The following ASAP3 variants were observed in gnomAD, a reference collection of about 807,000 sequenced individuals.
ASAP3 encodes the protein ArfGAP with SH3 domain, ankyrin repeat and PH domain 3, also known as arf-GAP with SH3 domain, ANK repeat and PH domain-containing protein 3.
Under a neutral mutation model 118.2 loss-of-function variants are expected in ASAP3, and 85 were observed. That is an observed-to-expected ratio of 0.72 (90% CI 0.60 to 0.86). ASAP3 has a LOEUF of 0.86. Ranked by LOEUF, ASAP3 falls within the 40% of genes least tolerant of loss-of-function variation. The pLI, the probability that ASAP3 is intolerant of heterozygous loss-of-function variation, is 0.00. For synonymous variants in ASAP3, 432 were observed against 477.4 expected (o/e 0.90, Z 1.24); for missense variants, 1,026 against 1,175.0 (o/e 0.87, Z 1.85).
At chr1:23,464,267 A>AC (rs1641689809) in intron 1 of ASAP3, among the ~76,000 whole-genome samples, 1 of 148,626 alleles carries the variant, frequency 6.7e-6, no homozygotes, top group Admixed American at 6.7e-5. Context: ...GCTCACTGCA[A>AC]CCTCCACTTC....
intron 5 of ASAP3, among the ~76,000 whole-genome samples, chr1:23,447,212 G>T (rs1027521928): frequency 1.3e-5 from 2 of 152,156 alleles, no homozygotes; most frequent in African/African-American, 4.8e-5. Flanking sequence ...TATACCACCT[G>T]CCATTAGTCA....
At chr1:23,469,116 G>A (rs1641880572) in intron 1 of ASAP3, among the ~76,000 whole-genome samples, 1 of 151,902 alleles carries the variant, frequency 6.6e-6, no homozygotes, top group African/African-American at 2.4e-5. Flanking sequence ...ACCAGCCTGG[G>A]CAACATGGCG....
intron 17 of ASAP3, chr1:23,435,619 A>G: frequency 1.7e-6 from 1 of 588,428 alleles, no homozygotes; most frequent in Admixed American, 3.0e-5. Context: ...TGAGGAAATG[A>G]GACTCAGAGA....
At chr1:23,483,962 GC>G in intron 1 of ASAP3, 42 bp downstream of exon 1, 1 of 1,250,690 alleles carries the variant, frequency 8.0e-7, no homozygotes, top group Non-Finnish European at 1.0e-6. Context: ...TCAAGGCCAG[GC>G]CCGGCGCCGA....
rs1370307337 is a variant in ASAP3 at position 23,441,116 on chromosome 1, G to A, written c.930C>T (p.Tyr310=). The change falls in exon 10 of 25, where the codon TAC becomes TAT. Residue 310 remains tyrosine, a synonymous_variant. Coordinates refer to ENST00000336689, the MANE Select transcript of ASAP3 (RefSeq NM_017707.4). Reference sequence around the variant, plus strand: ...GAATCACTTACCCGTCACTTTTCTTGTATAGAAAGCCCACTTTCTCCGTCC... The same window carrying A: ...GAATCACTTACCCGTCACTTTTCTTATATAGAAAGCCCACTTTCTCCGTCC... The part of the protein sequence containing the change: ...QFGTEKVGFL[Y]KKSDGIRRVW... 2 of 1,613,990 alleles carry A rather than the reference G, an allele frequency of 1.2e-6. No homozygotes were observed. The highest frequency in any genetic ancestry group is 2.7e-5 in the African/African-American group (2 of 74,926).
Position 23,445,797 on chromosome 1 carries a change from A to AC in ASAP3, c.474-3186dup, listed in dbSNP as rs577010601. ...AGACCAGCCTAGGCAACATAGCAAGACCCCGTTTCTACTTTAAAACAAAAT... is the reference window on the plus strand; with the variant it reads ...AGACCAGCCTAGGCAACATAGCAAGACCCCCGTTTCTACTTTAAAACAAAAT... On this transcript the variant is annotated intron_variant, in intron 5 of 24. Transcript: ENST00000336689. Among the ~76,000 whole-genome samples the AC allele has an allele frequency of 3.0e-3, 457 of 151,752 alleles. 4 individuals carry two copies. The highest frequency in any genetic ancestry group is 5.5e-3 in the Non-Finnish European group (371 of 67,924).
At position 23,433,066 on chromosome 1, in the gene ASAP3, T is replaced by C. The variant is rs1427415793; in HGVS notation, c.2323+11A>G. 3.1e-6 allele frequency: 5 copies of C among 1,612,834 alleles called. No homozygotes were observed. Among genetic ancestry groups the C allele is most frequent in the Non-Finnish European group, 4.2e-6 (5 of 1,179,738 alleles). ...GGCATGGTGAGCATTTATCTGGGCA[T>C]CCAACTGTACCTCCACTGGCATGTC... On this transcript the variant is annotated intron_variant, in intron 22 of 24. Coordinates refer to ENST00000336689, the MANE Select transcript of ASAP3 (RefSeq NM_017707.4).
chr1:23,441,327 C>A, intron 9 of ASAP3, 60 bp downstream of exon 9: 4 of 1,605,442 alleles, frequency 2.5e-6, no homozygotes, highest in Non-Finnish European at 3.4e-6. Context: ...TCCTTCTCTC[C>A]CTCCCTCCAC....
intron 10 of ASAP3, among the ~76,000 whole-genome samples, chr1:23,440,626 G>T (rs1458307156): frequency 6.6e-6 from 1 of 151,242 alleles, no homozygotes; most frequent in East Asian, 1.9e-4. Context: ...GGAGGCTGAG[G>T]CGGGCGGATC....
At chr1:23,451,806 G>T (rs1641223021) in intron 4 of ASAP3, among the ~76,000 whole-genome samples, 1 of 152,158 alleles carries the variant, frequency 6.6e-6, no homozygotes, top group African/African-American at 2.4e-5. Context: ...CATGGCTTGG[G>T]GTGTGAAGAG....
At chr1:23,440,830 T>TG (rs1330773718) in intron 10 of ASAP3, among the ~76,000 whole-genome samples, 1 of 140,644 alleles carries the variant, frequency 7.1e-6, no homozygotes, top group Admixed American at 7.6e-5. Flanking sequence ...CACTCCAGCC[T>TG]GGGCGACAGA....
At chr1:23,455,856 G>T (rs1205518434) in intron 3 of ASAP3, 25 bp downstream of exon 3, 1 of 1,613,576 alleles carries the variant, frequency 6.2e-7, no homozygotes, top group South Asian at 1.1e-5. Context: ...CCTGAGTCTG[G>T]GCAAGGAAGA....
chr1:23,467,632 A>T (rs1005289341), intron 1 of ASAP3, among the ~76,000 whole-genome samples: 1 of 152,128 alleles, frequency 6.6e-6, no homozygotes, highest in Non-Finnish European at 1.5e-5. Context: ...CCCAGGTTTC[A>T]CTGGAAATGC....
chr1:23,461,919 T>C (rs1641601368), intron 1 of ASAP3, among the ~76,000 whole-genome samples: 1 of 152,216 alleles, frequency 6.6e-6, no homozygotes, highest in Non-Finnish European at 1.5e-5. Context: ...GAGAAATCTC[T>C]TATTTGAGCC....
At position 23,461,664 on chromosome 1, in the gene ASAP3, C is replaced by T. The variant is rs191785110; in HGVS notation, c.130-5470G>A. 2.8e-3 allele frequency among the ~76,000 whole-genome samples: 419 copies of T among 149,576 alleles called. 1 individual carries two copies. The highest frequency in any genetic ancestry group is 4.8e-3 in the Non-Finnish European group (321 of 67,108). ...CAACAGAGCAAGACCCTGTCTCAAA[C>T]GCACCCCCCCACAAAAAAAAAAAAC... On this transcript the variant is annotated intron_variant, in intron 1 of 24. Transcript: ENST00000336689.
rs751904452 is a variant in ASAP3 at position 23,435,834 on chromosome 1, C to A, written c.1749+17G>T. On this transcript the variant is annotated intron_variant, in intron 17 of 24. Transcript: ENST00000336689. ...TTAGACAGGTGGGTTATAAGTGGCC[C>A]TTGGAGGGGTTCTCACCTGTGCATC... is the stretch of plus-strand genomic sequence containing the variant. The A allele has an allele frequency of 2.5e-6, 4 of 1,614,112 alleles. No individual in the cohort carries two copies. Among genetic ancestry groups the A allele is most frequent in the Admixed American group, 3.3e-5 (2 of 60,012 alleles).
At position 23,436,494 on chromosome 1, in the gene ASAP3, G is replaced by A. The variant is rs1375891112; in HGVS notation, c.1571+66C>T. The A allele has an allele frequency of 1.3e-6, 2 of 1,557,696 alleles. No homozygotes were observed. Among genetic ancestry groups the A allele is most frequent in the Non-Finnish European group, 1.8e-6 (2 of 1,130,800 alleles). The stretch of plus-strand genomic sequence containing the variant: ...GACTTCTGATCCAAGACTTTTCTAC[G>A]ACCCTGGACACTGCGGAGGCAGAAT... On this transcript the variant is annotated intron_variant, in intron 16 of 24. Transcript: ENST00000336689. This position sits in a 1 kb window ranked among gnomAD's most constrained non-coding sequence, Gnocchi z 4.2.
intron 5 of ASAP3, among the ~76,000 whole-genome samples, chr1:23,443,181 A>G (rs2510072): frequency 0.91 from 138,044 of 152,296 alleles, 62,590 homozygotes; most frequent in African/African-American, 0.94. Context: ...GGATTTAAGA[A>G]CACAGGTGCC....
rs1034990348 is a variant in ASAP3, at chr1:23,441,486, G to C, written c.748-13C>G. ...GGGCCTGATGGAGCTATGGGACAGA[G>C]GATGGGATCCCATCACCAGCCAACA... On this transcript the variant is annotated splice_polypyrimidine_tract_variant and intron_variant, in intron 8 of 24. Transcript: ENST00000336689. 6 of 1,613,898 alleles carry C rather than the reference G, an allele frequency of 3.7e-6. No homozygotes were observed. The highest frequency in any genetic ancestry group is 5.1e-6 in the Non-Finnish European group (6 of 1,179,874).
Sources: gnomAD v4.1 joint callset for allele counts (sites outside exome capture counted in the v4.1 genomes callset) on GRCh38, gnomAD v4.1.1 for gene constraint, Gnocchi (gnomAD v3.1) non-coding constraint, MANE v1.5 for transcripts, NCBI Gene and HGNC (gene_info 2026-07-23, HGNC 2026-07-21) for gene names.